Variants in RBM23 observed in about 807,000 individuals in gnomAD.
The protein encoded by RBM23 is RNA binding motif protein 23.
A neutral mutation model predicts 56.2 loss-of-function variants in RBM23; 53 were observed. That is an observed-to-expected ratio of 0.94 (90% confidence interval 0.76 to 1.19). The LOEUF (loss-of-function observed/expected upper bound fraction) is 1.19. Ranked by LOEUF, RBM23 falls within the 50% of genes most tolerant of loss-of-function variation. The pLI, the probability that RBM23 is intolerant of heterozygous loss-of-function variation, is 0.00. For synonymous variants in RBM23, 197 were observed against 198.5 expected, an observed-to-expected ratio of 0.99 and a Z score of 0.06; for missense variants, 642 against 590.3, an observed-to-expected ratio of 1.09 and a Z score of -0.91.
intron 10 of RBM23, chr14:22,903,147 G>A: frequency 1.0e-6 from 1 of 985,430 alleles, no homozygotes; most frequent in Non-Finnish European, 1.2e-6. Flanking sequence ...ACACACCCTA[G>A]TGCTGACAGC....
intron 10 of RBM23, chr14:22,903,897 T>C: frequency 8.4e-7 from 1 of 1,188,768 alleles, no homozygotes; most frequent in Non-Finnish European, 1.1e-6. Flanking sequence ...CCCATCCCTG[T>C]TATGAGAAAC....
intron 1 of RBM23, among the ~76,000 whole-genome samples, chr14:22,913,390 G>A (rs1263981378): frequency 6.7e-6 from 1 of 149,704 alleles, no homozygotes; most frequent in Non-Finnish European, 1.5e-5. Flanking sequence ...CTCCAACCTG[G>A]GCGACAGAGC....
intron 1 of RBM23, among the ~76,000 whole-genome samples, chr14:22,912,874 CCT>C (rs1260384578): frequency 2.6e-5 from 4 of 151,770 alleles, no homozygotes; most frequent in African/African-American, 9.7e-5. Context: ...GTGGCACGCG[CCT>C]GTAGGCCCAG....
In RBM23 at chr14:22,910,907, A is replaced by C. The variant is rs903524274; in HGVS notation, c.66+421T>G. Among the ~76,000 whole-genome samples, 5 of 152,106 alleles carry C rather than the reference A, an allele frequency of 3.3e-5. No individual in the cohort carries two copies. In the South Asian group the frequency reaches 6.2e-4, roughly 19 times the overall value. On this transcript the variant is annotated intron_variant, in intron 2 of 13. Coordinates refer to ENST00000359890, the MANE Select transcript of RBM23 (RefSeq NM_001077351.2). Reference sequence around the variant, plus strand: ...TTGCCTATAATCCTAGCTACTTGGGACGCTGAGGCATGAGAATGGCTTGAA... The same window carrying C: ...TTGCCTATAATCCTAGCTACTTGGGCCGCTGAGGCATGAGAATGGCTTGAA...
At chr14:22,910,776 G>A (rs1342055363) in intron 2 of RBM23, among the ~76,000 whole-genome samples, 3 of 152,218 alleles carry the variant, frequency 2.0e-5, no homozygotes, top group Non-Finnish European at 4.4e-5. Context: ...ACTTTGGAAG[G>A]CCAAGGTGGG....
chr14:22,907,194 T>C (rs2041721612), intron 4 of RBM23, among the ~76,000 whole-genome samples: 1 of 148,060 alleles, frequency 6.8e-6, no homozygotes, highest in South Asian at 2.2e-4. Flanking sequence ...CCAAAAAAAT[T>C]AGCCAGGCAT....
At chr14:22,902,144 T>C in intron 11 of RBM23, 43 bp downstream of exon 11, 1 of 1,605,696 alleles carries the variant, frequency 6.2e-7, no homozygotes, top group South Asian at 1.1e-5. Context: ...ACCCTTCATC[T>C]AAAATTCAAC....
At chr14:22,915,259 A>G (rs1484082028) in intron 1 of RBM23, among the ~76,000 whole-genome samples, 2 of 152,210 alleles carry the variant, frequency 1.3e-5, no homozygotes, top group Admixed American at 6.5e-5. Flanking sequence ...ATTGGTATAC[A>G]TAAAAACCAG....
rs1025385916 is a variant in RBM23, at chr14:22,896,809, G to A, written c.*4921C>T. ...TTTCACAGAGCTCTCTCAACCAAGG[G>A]CACACCAGAGAGCAAACCAGTCCTG... On this transcript the variant is annotated 3_prime_UTR_variant, in exon 14 of 14. Transcript: ENST00000359890. 1 of 152,200 alleles carries A rather than the reference G, an allele frequency of 6.6e-6. No homozygotes were observed. Among genetic ancestry groups the A allele is most frequent in the African/African-American group, 2.4e-5 (1 of 41,444 alleles). 9.4% of individuals were successfully genotyped at this position (152,200 alleles called of 1,614,324 possible). A position where few individuals can be genotyped will look rare whatever the true frequency, so the allele number is the denominator to read the frequency against.
At chr14:22,908,268 G>A (rs1035127544) in intron 4 of RBM23, 65 bp downstream of exon 4, 29 of 1,516,634 alleles carry the variant, frequency 1.9e-5, no homozygotes, top group African/African-American at 6.9e-5. Flanking sequence ...TGATCCTCCC[G>A]CCTTGGCTTC....
chr14:22,907,485 T>C (rs1362517377), intron 4 of RBM23, among the ~76,000 whole-genome samples: 1 of 152,204 alleles, frequency 6.6e-6, no homozygotes, highest in Non-Finnish European at 1.5e-5. Flanking sequence ...GATAAACATT[T>C]AGGTCAAGGA....
rs2040203081 is a variant in RBM23, at chr14:22,893,792, C to T, written c.*7938G>A. The T allele has an allele frequency of 6.6e-6, 1 of 152,090 alleles. No homozygotes were observed. Among genetic ancestry groups the T allele is most frequent in the South Asian group, 2.1e-4 (1 of 4,818 alleles). The allele number at this position is 152,090 out of a possible 1,614,324, so 9.4% of individuals were successfully genotyped here. A position where few individuals can be genotyped will look rare whatever the true frequency, so the allele number is the denominator to read the frequency against. ...GACAAGAGCATACTGCTTCTCAGGCCTTTATCATCTCGGTGACTCCCTGAT... is the reference window on the plus strand; with the variant it reads ...GACAAGAGCATACTGCTTCTCAGGCTTTTATCATCTCGGTGACTCCCTGAT... On this transcript the variant is annotated 3_prime_UTR_variant, in exon 14 of 14. Coordinates refer to ENST00000359890, the MANE Select transcript of RBM23 (RefSeq NM_001077351.2).
In RBM23 at chr14:22,906,954, A is replaced by G. The variant is rs111921268; in HGVS notation, c.228-586T>C. ...TTTGGGAGACCAAAATGGGTGGATC[A>G]CTTGAGATCAGGAATTCCAGACCAG... On this transcript the variant is annotated intron_variant, in intron 4 of 13. Transcript: ENST00000359890. Among the ~76,000 whole-genome samples, 823 of 152,302 alleles carry G rather than the reference A, an allele frequency of 5.4e-3. 8 individuals are homozygous for G. The highest frequency in any genetic ancestry group is 0.019 in the African/African-American group (775 of 41,568).
chr14:22,904,973 G>A lies in RBM23; in HGVS notation c.766C>T (p.Gln256Ter). ...CGCATTGGTCCACCATTGCCCTTTT[G>A]CAGGTTGTTGGCCATGGCTGCCAGT... ...NRLAAMANNL[Q>*]KGNGGPMRLY... The change falls in exon 9 of 14, where the codon CAA becomes TAA. Residue 256 changes from glutamine to a stop codon, truncating the protein, a stop_gained. Coordinates refer to ENST00000359890, the MANE Select transcript of RBM23 (RefSeq NM_001077351.2). LOFTEE classifies it high-confidence loss of function. 1 of 1,614,226 alleles carries A rather than the reference G, an allele frequency of 6.2e-7. No homozygotes were observed. The highest frequency in any genetic ancestry group is 8.5e-7 in the Non-Finnish European group (1 of 1,180,042).
In RBM23 at chr14:22,901,599, A is replaced by G; in HGVS notation, c.*131T>C. The G allele has an allele frequency of 2.2e-6, 3 of 1,371,584 alleles. No individual in the cohort carries two copies. The highest frequency in any genetic ancestry group is 3.1e-6 in the Non-Finnish European group (3 of 979,144). 85.0% of individuals were successfully genotyped at this position (1,371,584 alleles called of 1,614,324 possible). On this transcript the variant is annotated 3_prime_UTR_variant, in exon 14 of 14. Transcript: ENST00000359890. Reference sequence around the variant, plus strand: ...TCTTGGTATCTTAAGGGTGGCCCCAATTTCCTCAGAGACAATGTCCATGCC... The same window carrying G: ...TCTTGGTATCTTAAGGGTGGCCCCAGTTTCCTCAGAGACAATGTCCATGCC...
chr14:22,903,916 T>G (rs2041059062), intron 10 of RBM23: 7 of 1,222,044 alleles, frequency 5.7e-6, no homozygotes, highest in Non-Finnish European at 7.2e-6. Context: ...ACATCAATTC[T>G]ATAAAGCATG....
chr14:22,903,654 T>C (rs2041008097), intron 10 of RBM23: 1 of 1,000,472 alleles, frequency 1.0e-6, no homozygotes, highest in African/African-American at 1.7e-5. Flanking sequence ...AATACAAGCT[T>C]CTATCAGACT....
intron 1 of RBM23, chr14:22,914,016 T>TCTGG (rs2043045874): frequency 8.3e-6 from 1 of 120,372 alleles, no homozygotes; most frequent in African/African-American, 2.9e-5. Context: ...AGACCAAGAC[T>TCTGG]CTGTCTCAAA....
chr14:22,905,315 A>C (rs376576741), intron 7 of RBM23, 21 bp downstream of exon 7: 78 of 1,614,000 alleles, frequency 4.8e-5, no homozygotes, highest in South Asian at 8.8e-5. Flanking sequence ...ACTCAGAAGA[A>C]AACTAAGGTG....
Sources: allele counts gnomAD v4.1 joint callset (sites outside exome capture counted in the v4.1 genomes callset), GRCh38; gene constraint gnomAD v4.1.1; transcripts MANE v1.5; gene names NCBI Gene and HGNC (gene_info 2026-07-23, HGNC 2026-07-21).